The following EPHX1 variants were observed in gnomAD, a reference collection of about 807,000 sequenced individuals.
EPHX1 encodes the protein epoxide hydrolase 1.
Under a neutral mutation model 43.2 loss-of-function variants are expected in EPHX1, and 40 were observed. That is an observed-to-expected ratio of 0.93 (90% CI 0.72 to 1.21). EPHX1 has a LOEUF of 1.21. Among genes scored for constraint, EPHX1 ranks in the 50% most tolerant of loss-of-function variants. EPHX1 has a pLI of 0.00. For missense variants in EPHX1, 550 were observed against 570.4 expected (o/e 0.96, Z 0.36); for synonymous variants, 221 against 226.7 (o/e 0.98, Z 0.22).
At chr1:225,824,708 C>G (rs1464948531) in intron 1 of EPHX1, among the ~76,000 whole-genome samples, 1 of 152,216 alleles carries the variant, frequency 6.6e-6, no homozygotes, top group Non-Finnish European at 1.5e-5. Flanking sequence ...CGTGGTGACC[C>G]CCTCCGTCCT....
chr1:225,832,062 C>G, intron 3 of EPHX1, 103 bp downstream of exon 3: 1 of 1,280,718 alleles, frequency 7.8e-7, no homozygotes, highest in East Asian at 2.3e-5. Context: ...ATTCAGAACC[C>G]AATTATAGGT....
intron 1 of EPHX1, among the ~76,000 whole-genome samples, chr1:225,826,558 CT>C (rs1287215278): frequency 7.0e-6 from 1 of 143,050 alleles, no homozygotes; most frequent in Admixed American, 7.0e-5. Flanking sequence ...GGCCTGCCCC[CT>C]GGCACATGGT....
intron 1 of EPHX1, among the ~76,000 whole-genome samples, chr1:225,813,064 G>A (rs61837996): frequency 0.087 from 13,197 of 152,266 alleles, 719 homozygotes; most frequent in East Asian, 0.19. Context: ...GCGATCTGCA[G>A]GCCTTCTTGC....
intron 1 of EPHX1, among the ~76,000 whole-genome samples, chr1:225,821,394 C>G (rs1197288887): frequency 6.6e-6 from 1 of 151,624 alleles, no homozygotes; most frequent in African/African-American, 2.4e-5. Flanking sequence ...TACAAGTGCA[C>G]ACTACCACAC....
Position 225,845,512 on chromosome 1 carries a change from A to C in EPHX1, c.*165A>C. 82 of 633,918 alleles carry C rather than the reference A, an allele frequency of 1.3e-4. No homozygotes were observed. The highest frequency in any genetic ancestry group is 1.7e-4 in the Non-Finnish European group (61 of 367,986). The allele number at this position is 633,918 out of a possible 1,614,324, so 39.3% of individuals were successfully genotyped here. A position where few individuals can be genotyped will look rare whatever the true frequency, so the allele number is the denominator to read the frequency against. Reference sequence around the variant, plus strand: ...CTCCAAGCTCACTCCCCAACCCCCAACTCCGTGTGGTAAGCAACATGGCTT... The same window carrying C: ...CTCCAAGCTCACTCCCCAACCCCCACCTCCGTGTGGTAAGCAACATGGCTT... On this transcript the variant is annotated 3_prime_UTR_variant, in exon 9 of 9. Coordinates refer to ENST00000272167, the MANE Select transcript of EPHX1 (RefSeq NM_001136018.4).
At chr1:225,819,687 C>T (rs2102690665) in intron 1 of EPHX1, among the ~76,000 whole-genome samples, 1 of 152,180 alleles carries the variant, frequency 6.6e-6, no homozygotes, top group South Asian at 2.1e-4. Flanking sequence ...GAGGGAACAC[C>T]AAGAGAAGAC....
chr1:225,819,097 G>T (rs12098136), intron 1 of EPHX1, among the ~76,000 whole-genome samples: 12,039 of 35,378 alleles, frequency 0.34, 2,367 homozygotes, highest in East Asian at 0.99. Context: ...CGTAGTGGCG[G>T]GCGCCTGTAG....
chr1:225,838,624 C>A, intron 3 of EPHX1, 30 bp from the exon 4 acceptor site: 1 of 1,594,744 alleles, frequency 6.3e-7, no homozygotes. Context: ...TTCTCTCTCC[C>A]TCCACCCTGA....
At chr1:225,823,304 T>G (rs1288347191) in intron 1 of EPHX1, among the ~76,000 whole-genome samples, 1 of 152,168 alleles carries the variant, frequency 6.6e-6, no homozygotes, top group Non-Finnish European at 1.5e-5. Flanking sequence ...GTACTGGGAT[T>G]ACAGTCATGA....
chr1:225,844,187 G>C (rs763671357), intron 7 of EPHX1, among the ~76,000 whole-genome samples: 1 of 152,140 alleles, frequency 6.6e-6, no homozygotes, highest in African/African-American at 2.4e-5. Context: ...GCCCTGAGCA[G>C]TTTCACGGTG....
chr1:225,814,418 G>C (rs1162973164), intron 1 of EPHX1, among the ~76,000 whole-genome samples: 1 of 152,242 alleles, frequency 6.6e-6, no homozygotes, highest in Non-Finnish European at 1.5e-5. Flanking sequence ...GTTGTAGTAT[G>C]GGAGATGGTG....
At chr1:225,828,208 G>T (rs1488493215) in intron 1 of EPHX1, among the ~76,000 whole-genome samples, 2 of 152,108 alleles carry the variant, frequency 1.3e-5, no homozygotes, top group Non-Finnish European at 2.9e-5. Context: ...GCTGGGTGTG[G>T]TGGCACGTGC....
intron 2 of EPHX1, 134 bp from the exon 3 acceptor site, chr1:225,831,645 G>A (rs146555972): frequency 0.038 from 30,982 of 808,866 alleles, 772 homozygotes; most frequent in Middle Eastern, 0.048. Context: ...CAGTGATGTG[G>A]GAAACTGCCT....
rs768645557 is a variant in EPHX1, at chr1:225,831,770, T to G, written c.184-9T>G. The G allele has an allele frequency of 1.9e-6, 3 of 1,613,544 alleles. No homozygotes were observed. Among genetic ancestry groups the G allele is most frequent in the Non-Finnish European group, 2.5e-6 (3 of 1,179,970 alleles). On this transcript the variant is annotated splice_polypyrimidine_tract_variant and intron_variant, in intron 2 of 8. Coordinates refer to ENST00000272167, the MANE Select transcript of EPHX1 (RefSeq NM_001136018.4). ...CCCTCTCAACTTGGGGTCCTGAATT[T>G]TGCTCCAGGACTTACACCAGAGGAT...
intron 1 of EPHX1, among the ~76,000 whole-genome samples, chr1:225,822,475 A>T (rs1667019832): frequency 6.6e-6 from 1 of 152,218 alleles, no homozygotes; most frequent in Non-Finnish European, 1.5e-5. Flanking sequence ...TTTGAGGCAG[A>T]TCAATGAAGC....
At chr1:225,813,806 G>C (rs556667802) in intron 1 of EPHX1, among the ~76,000 whole-genome samples, 158 of 152,242 alleles carry the variant, frequency 1.0e-3, no homozygotes, top group African/African-American at 3.4e-3. Flanking sequence ...GTGTGGTTTA[G>C]TGCATGGTCC....
Position 225,845,505 on chromosome 1 carries a change from A to C in EPHX1, c.*158A>C. On this transcript the variant is annotated 3_prime_UTR_variant, in exon 9 of 9. Transcript: ENST00000272167. ...CTCACCCCTCCAAGCTCACTCCCCA[A>C]CCCCCAACTCCGTGTGGTAAGCAAC... 20 of 672,256 alleles carry C rather than the reference A, an allele frequency of 3.0e-5. No individual in the cohort carries two copies. Among genetic ancestry groups the C allele is most frequent in the Non-Finnish European group, 3.5e-5 (14 of 395,822 alleles). 41.6% of individuals were successfully genotyped at this position (672,256 alleles called of 1,614,324 possible). A position where few individuals can be genotyped will look rare whatever the true frequency, so the allele number is the denominator to read the frequency against.
intron 1 of EPHX1, among the ~76,000 whole-genome samples, chr1:225,827,794 A>C (rs753212447): frequency 6.6e-6 from 1 of 152,222 alleles, no homozygotes; most frequent in Non-Finnish European, 1.5e-5. Flanking sequence ...TGTATGGTAT[A>C]TGAATTATGT....
chr1:225,831,853 C>T lies in EPHX1; in HGVS notation c.258C>T (p.Asn86=), dbSNP rs774319268. 6.2e-6 allele frequency: 10 copies of T among 1,614,090 alleles called. No individual in the cohort carries two copies. In the Admixed American group the frequency reaches 1.5e-4, roughly 24 times the overall value. ...LEDSCFHYGF[N]SNYLKKVISY... ...ACAGCTGCTTCCACTATGGCTTCAA[C>T]TCCAACTACCTGAAGAAAGTCATCT... is the stretch of plus-strand genomic sequence containing the variant. The change falls in exon 3 of 9, where the codon AAC becomes AAT. Residue 86 remains asparagine (N), a synonymous_variant. Transcript: ENST00000272167.
Sources: gnomAD v4.1 joint callset for allele counts (sites outside exome capture counted in the v4.1 genomes callset) on GRCh38, gnomAD v4.1.1 for gene constraint, MANE v1.5 for transcripts, NCBI Gene and HGNC (gene_info 2026-07-23, HGNC 2026-07-21) for gene names.